SPIRE2: variants seen among roughly 807,000 people sequenced by gnomAD.
SPIRE2 encodes spire type actin nucleation factor 2.
A neutral mutation model predicts 80.7 loss-of-function variants in SPIRE2; 76 were observed. That is an observed-to-expected ratio of 0.94 (90% CI 0.78 to 1.14). The LOEUF (loss-of-function observed/expected upper bound fraction) is 1.14. Ranked by LOEUF, SPIRE2 falls within the 50% of genes most tolerant of loss-of-function variation. The pLI is 0.00. For synonymous variants in SPIRE2, 535 were observed against 432.6 expected (o/e 1.24, Z -2.94); for missense variants, 1,196 against 1,015.3 (o/e 1.18, Z -2.42).
chr16:89,859,335 G>A lies in SPIRE2; in HGVS notation c.1443G>A (p.Arg481=). The change falls in exon 9 of 15, where the codon AGG becomes AGA. Residue 481 remains arginine, a synonymous_variant. Transcript: ENST00000378247. Reference sequence around the variant, plus strand: ...GAGCTGGCAGTGCGCATGTGTGGAGGCCCGGCTCCCGAGACCAGGGCAAGT... The same window carrying A: ...GAGCTGGCAGTGCGCATGTGTGGAGACCCGGCTCCCGAGACCAGGGCAAGT... ...RPRAGSAHVW[R]PGSRDQGTCP... The A allele has an allele frequency of 6.3e-7, 1 of 1,575,246 alleles. No individual in the cohort carries two copies. The highest frequency in any genetic ancestry group is 1.1e-5 in the South Asian group (1 of 89,130).
chr16:89,832,989 TTTC>T (rs139993307), intron 1 of SPIRE2, among the ~76,000 whole-genome samples: 10 of 26,446 alleles, frequency 3.8e-4, no homozygotes, highest in African/African-American at 2.2e-3. Flanking sequence ...ACCCAGCTGA[TTTC>T]TTTTTTTTTT....
At chr16:89,837,180 C>T (rs546523643) in intron 1 of SPIRE2, among the ~76,000 whole-genome samples, 40 of 152,230 alleles carry the variant, frequency 2.6e-4, no homozygotes, top group African/African-American at 9.1e-4. Context: ...CGAGTCCTGC[C>T]CGGAACATCT....
At chr16:89,867,944 C>T (rs1484060913) in intron 12 of SPIRE2, among the ~76,000 whole-genome samples, 1 of 152,148 alleles carries the variant, frequency 6.6e-6, no homozygotes, top group African/African-American at 2.4e-5. Context: ...GAAAACTTGG[C>T]AGGAGAAAAC....
At chr16:89,838,819 C>T (rs2041475795) in intron 1 of SPIRE2, among the ~76,000 whole-genome samples, 1 of 152,164 alleles carries the variant, frequency 6.6e-6, no homozygotes. Flanking sequence ...AGGGGCTCCC[C>T]TCTCTTTTCC....
chr16:89,840,340 C>A (rs2041492192), intron 1 of SPIRE2, among the ~76,000 whole-genome samples: 1 of 150,740 alleles, frequency 6.6e-6, no homozygotes, highest in Non-Finnish European at 1.5e-5. Flanking sequence ...AGCTCCACCT[C>A]CCGGGTTCAC....
Position 89,850,633 on chromosome 16 carries a change from C to T in SPIRE2, c.618C>T (p.Phe206=), listed in dbSNP as rs1216398152. Residue 206 remains phenylalanine (F), a synonymous_variant, in exon 3 of 15, where the codon TTC becomes TTT. Transcript: ENST00000378247. The stretch of plus-strand genomic sequence containing the variant: ...TGGAGACGCTGGAGCTGCGGGCCTT[C>T]CTGGCCAGGGTCCGGGAGGCCAAGG... The part of the protein sequence containing the change: ...LFVETLELRA[F]LARVREAKEM... 2 of 1,511,402 alleles carry T rather than the reference C, an allele frequency of 1.3e-6. No individual in the cohort carries two copies. The highest frequency in any genetic ancestry group is 1.8e-6 in the Non-Finnish European group (2 of 1,136,016). 93.6% of individuals were successfully genotyped at this position (1,511,402 alleles called of 1,614,324 possible). A position where few individuals can be genotyped will look rare whatever the true frequency, so the allele number is the denominator to read the frequency against.
At chr16:89,867,358 C>T (rs539456230) in intron 12 of SPIRE2, among the ~76,000 whole-genome samples, 10 of 151,552 alleles carry the variant, frequency 6.6e-5, no homozygotes, top group African/African-American at 2.2e-4. Flanking sequence ...TTGGCCAGGC[C>T]GATGTTGAAC....
chr16:89,832,756 G>A (rs1244729919), intron 1 of SPIRE2, among the ~76,000 whole-genome samples: 1 of 152,172 alleles, frequency 6.6e-6, no homozygotes, highest in East Asian at 1.9e-4. Flanking sequence ...GGCGTTTGCA[G>A]AGCCGGGCTG....
chr16:89,835,843 G>C (rs1207909082), intron 1 of SPIRE2, among the ~76,000 whole-genome samples: 2 of 152,092 alleles, frequency 1.3e-5, no homozygotes, highest in Admixed American at 1.3e-4. Context: ...TGTCTCTCTG[G>C]GACTGAGGAG....
intron 1 of SPIRE2, among the ~76,000 whole-genome samples, chr16:89,840,271 A>C (rs1380309048): frequency 7.5e-6 from 1 of 133,250 alleles, no homozygotes; most frequent in African/African-American, 2.9e-5. Flanking sequence ...TTTTTTTGAG[A>C]CGGAGTCTCG....
rs763266386 is a variant in SPIRE2, at chr16:89,863,496, G to C, written c.1596G>C (p.Glu532Asp). ...CCTAGGAGTTCAGCCACCCCGTGGA[G>C]AGCCTGGCGCTGACTGTGGAAGAGG... ...HLWLEFSHPV[E>D]SLALTVEEVM... Residue 532 changes from glutamate to aspartate, a missense_variant, in exon 11 of 15, where the codon GAG (glutamate) becomes GAC (aspartate). Glu to Asp is a conservative substitution (Grantham distance 45). Transcript: ENST00000378247. The surrounding 1 kb of genome is among the most constrained non-coding windows in gnomAD (Gnocchi z 4.3). 65 of 1,613,996 alleles carry C rather than the reference G, an allele frequency of 4.0e-5. No homozygotes were observed. The Admixed American group carries it at 1.1e-3, about 26-fold the overall frequency.
intron 7 of SPIRE2, among the ~76,000 whole-genome samples, chr16:89,857,366 G>A (rs566318510): frequency 3.3e-5 from 5 of 151,620 alleles, no homozygotes; most frequent in African/African-American, 1.2e-4. Context: ...GAACTCGTGG[G>A]CTCAAGTGAT....
chr16:89,863,411 G>A lies in SPIRE2; in HGVS notation c.1576-65G>A, dbSNP rs1385796332. The A allele has an allele frequency of 8.8e-6, 14 of 1,596,012 alleles. No individual in the cohort carries two copies. The highest frequency in any genetic ancestry group is 1.3e-5 in the African/African-American group (1 of 74,564). On this transcript the variant is annotated intron_variant, in intron 10 of 14. Coordinates refer to ENST00000378247, the MANE Select transcript of SPIRE2 (RefSeq NM_032451.2). This position sits in a 1 kb window ranked among gnomAD's most constrained non-coding sequence, Gnocchi z 4.3. ...AGGCCAGGGAGGGTTAGGGTCCTCA[G>A]GGAAGGAGAGTAAGCTAGGGGAGCC...
At chr16:89,866,535 A>T (rs982469928) in intron 12 of SPIRE2, among the ~76,000 whole-genome samples, 1 of 151,832 alleles carries the variant, frequency 6.6e-6, no homozygotes, top group Non-Finnish European at 1.5e-5. Context: ...ACCTCAGGTG[A>T]TCGCCCACCT....
chr16:89,843,637 C>T (rs1164447173), intron 1 of SPIRE2, among the ~76,000 whole-genome samples: 3 of 126,166 alleles, frequency 2.4e-5, no homozygotes, highest in South Asian at 2.9e-4. Flanking sequence ...AGATGTGCCT[C>T]GATGGATGGA....
chr16:89,860,929 G>A (rs1186301051), intron 10 of SPIRE2, 134 bp downstream of exon 10: 3 of 573,874 alleles, frequency 5.2e-6, no homozygotes, highest in Non-Finnish European at 8.7e-6. Flanking sequence ...CCGTCTGGGG[G>A]GGCGCGGTCT....
In SPIRE2 at chr16:89,848,002, G is replaced by A. The variant is rs746897019; in HGVS notation, c.289-2302G>A. Among the ~76,000 whole-genome samples the A allele has an allele frequency of 5.6e-4, 85 of 152,336 alleles. 2 individuals are homozygous for A. In the Middle Eastern group the frequency reaches 0.017, roughly 30 times the overall value. On this transcript the variant is annotated intron_variant, in intron 2 of 14. Transcript: ENST00000378247. ...CCTCCCTCTGTCTGTCCTGTGCCAC[G>A]AGGCACAATCGGAGCCACGCGACCA...
At chr16:89,856,027 C>G (rs1324709608) in intron 6 of SPIRE2, 86 bp from the exon 7 acceptor site, 2 of 1,561,016 alleles carry the variant, frequency 1.3e-6, no homozygotes, top group African/African-American at 2.7e-5. Context: ...CACTTCCCCA[C>G]CACAGGTCCC....
At chr16:89,840,455 T>G (rs1005346549) in intron 1 of SPIRE2, among the ~76,000 whole-genome samples, 1 of 150,940 alleles carries the variant, frequency 6.6e-6, no homozygotes, top group Non-Finnish European at 1.5e-5. Context: ...TTCACCGTGT[T>G]AGCCAGGATG....
Sources: gnomAD v4.1 joint callset for allele counts (sites outside exome capture counted in the v4.1 genomes callset) on GRCh38, gnomAD v4.1.1 for gene constraint, Gnocchi (gnomAD v3.1) non-coding constraint, MANE v1.5 for transcripts, NCBI Gene and HGNC (gene_info 2026-07-23, HGNC 2026-07-21) for gene names.